RP1: variants seen among roughly 807,000 people sequenced by gnomAD.
The protein encoded by RP1 is RP1 axonemal microtubule associated.
A neutral mutation model predicts 14.8 loss-of-function variants in RP1; 16 were observed. The ratio of observed to expected loss-of-function variants is 1.08; its 90% CI spans 0.73 to 1.65. The LOEUF (loss-of-function observed/expected upper bound fraction) is 1.65. Among genes scored for constraint, RP1 ranks in the 40% most tolerant of loss-of-function variants. The pLI is 0.00. For missense variants in RP1, 2,631 were observed against 2,535.0 expected, an observed-to-expected ratio of 1.04 and a Z score of -0.81; for synonymous variants, 876 against 883.6, an observed-to-expected ratio of 0.99 and a Z score of 0.15.
intron 12 of RP1, among the ~76,000 whole-genome samples, chr8:54,692,340 G>C (rs1807735915): frequency 7.5e-6 from 1 of 133,074 alleles, no homozygotes; most frequent in African/African-American, 3.0e-5. Flanking sequence ...CCAGTAATAG[G>C]ATGGCTGGGT....
chr8:54,705,835 T>G (rs1022962672), intron 14 of RP1, among the ~76,000 whole-genome samples: 1 of 147,614 alleles, frequency 6.8e-6, no homozygotes, highest in African/African-American at 2.5e-5. Context: ...TTTTTTTTTG[T>G]ATTACTAGCA....
At chr8:54,778,076 A>G (rs754104775) in intron 23 of RP1, among the ~76,000 whole-genome samples, 7 of 152,178 alleles carry the variant, frequency 4.6e-5, no homozygotes, top group Non-Finnish European at 7.4e-5. Context: ...CGTTTCATAA[A>G]TCACCCATTC....
chr8:54,839,904 C>T (rs148175133), intron 25 of RP1, among the ~76,000 whole-genome samples: 1 of 152,302 alleles, frequency 6.6e-6, no homozygotes, highest in Non-Finnish European at 1.5e-5. Context: ...AAAACATTCT[C>T]TCATATAAGA....
Position 54,598,029 on chromosome 8 carries a change from G to A in RP1, c.-12-22926G>A, listed in dbSNP as rs145197395. Among the ~76,000 whole-genome samples the A allele has an allele frequency of 1.1e-3, 166 of 152,024 alleles. 1 individual carries two copies. Among genetic ancestry groups the A allele is most frequent in the African/African-American group, 3.6e-3 (151 of 41,476 alleles). On this transcript the variant is annotated intron_variant, in intron 1 of 22. Coordinates refer to the RP1 transcript ENST00000636932. ...TACATTTTTCCCTCCCCGCACTATCGTTAACCCCTGCCAACCACTAATCTA... is the reference window on the plus strand; with the variant it reads ...TACATTTTTCCCTCCCCGCACTATCATTAACCCCTGCCAACCACTAATCTA...
chr8:54,793,236 T>A (rs1810507618), intron 24 of RP1, among the ~76,000 whole-genome samples: 1 of 151,812 alleles, frequency 6.6e-6, no homozygotes, highest in Non-Finnish European at 1.5e-5. Context: ...TCATTCTGAG[T>A]TCTACCAAAC....
intron 19 of RP1, among the ~76,000 whole-genome samples, chr8:54,745,625 TA>T (rs752016170): frequency 2.6e-5 from 4 of 151,852 alleles, no homozygotes; most frequent in Non-Finnish European, 5.9e-5. Flanking sequence ...TTTAAGAAAC[TA>T]AAACAAAATG....
At chr8:54,594,876 T>C (rs1471812969) in intron 1 of RP1, among the ~76,000 whole-genome samples, 1 of 152,126 alleles carries the variant, frequency 6.6e-6, no homozygotes, top group Non-Finnish European at 1.5e-5. Flanking sequence ...AAATATTCTT[T>C]AACAGGAAGG....
intron 24 of RP1, among the ~76,000 whole-genome samples, chr8:54,802,588 T>A (rs1810739682): frequency 6.6e-6 from 1 of 152,226 alleles, no homozygotes; most frequent in African/African-American, 2.4e-5. Flanking sequence ...CAAATTGTTC[T>A]TTCTTTCTGA....
chr8:54,627,882 G>T lies in RP1; in HGVS notation c.4000G>T (p.Val1334Phe). 6.2e-7 allele frequency: 1 copy of T among 1,614,074 alleles called. No individual in the cohort carries two copies. The highest frequency in any genetic ancestry group is 2.2e-5 in the East Asian group (1 of 44,880). The part of the protein sequence containing the change: ...EGACPIDETY[V>F]PVNVCNTIDF... ...AGCTTGCCCAATTGATGAGACCTAC[G>T]TTCCTGTCAATGTCTGCAATACCAT... is the stretch of plus-strand genomic sequence containing the variant. Residue 1334 changes from valine to phenylalanine, a missense_variant, in exon 4 of 4, where the codon GTT (valine) becomes TTT (phenylalanine). Coordinates refer to ENST00000220676, the MANE Select transcript of RP1 (RefSeq NM_006269.2).
intron 24 of RP1, among the ~76,000 whole-genome samples, chr8:54,807,620 A>ACCTG (rs1563382132): frequency 3.3e-5 from 5 of 151,442 alleles, no homozygotes; most frequent in African/African-American, 9.7e-5. Flanking sequence ...ATCTCTATCT[A>ACCTG]CCTGTCTGTC....
At chr8:54,845,834 A>G (rs1401115658) in intron 25 of RP1, among the ~76,000 whole-genome samples, 1 of 152,194 alleles carries the variant, frequency 6.6e-6, no homozygotes, top group Non-Finnish European at 1.5e-5. Context: ...GGTCCTCAGT[A>G]CTTCTTTGCT....
chr8:54,706,618 T>C (rs968695485), exon 15 of RP1: 4 of 1,536,036 alleles, frequency 2.6e-6, no homozygotes, highest in Non-Finnish European at 3.5e-6. Flanking sequence ...AATGCACAAA[T>C]GTATCTAAGA....
intron 15 of RP1, among the ~76,000 whole-genome samples, chr8:54,708,292 G>A (rs1349098548): frequency 6.6e-6 from 1 of 152,036 alleles, no homozygotes; most frequent in Non-Finnish European, 1.5e-5. Flanking sequence ...CAAAGGGATA[G>A]CTCAGTGGTT....
At chr8:54,710,165 T>C (rs1188734111) in intron 15 of RP1, among the ~76,000 whole-genome samples, 2 of 152,184 alleles carry the variant, frequency 1.3e-5, no homozygotes, top group East Asian at 3.9e-4. Context: ...TATGAAAATA[T>C]TGATGCAGGA....
chr8:54,770,050 G>A (rs1585677028), downstream of RP1: 4 of 443,496 alleles, frequency 9.0e-6, no homozygotes, highest in Admixed American at 7.9e-5. Flanking sequence ...TTAAACTCAC[G>A]TTTCTTCTTT....
intron 12 of RP1, among the ~76,000 whole-genome samples, chr8:54,690,376 C>A (rs1007360022): frequency 6.6e-6 from 1 of 152,012 alleles, no homozygotes; most frequent in African/African-American, 2.4e-5. Context: ...TATACACTGG[C>A]CAGTTTTTCT....
At position 54,587,599 on chromosome 8, in the gene RP1, G is replaced by A. The variant is rs927552997; in HGVS notation, c.-13+28279G>A. Among the ~76,000 whole-genome samples, 35 of 152,208 alleles carry A rather than the reference G, an allele frequency of 2.3e-4. 1 individual carries two copies. On this transcript the variant is annotated intron_variant, in intron 1 of 22. Transcript: ENST00000636932. ...GGCAAGCATTGGAACCTACTGGGAA[G>A]TTGAAAATTTAGGCTGAAGAGCTGC...
intron 7 of RP1, among the ~76,000 whole-genome samples, chr8:54,672,301 A>G (rs1397417299): frequency 6.6e-6 from 1 of 152,112 alleles, no homozygotes; most frequent in South Asian, 2.1e-4. Context: ...TTTTGGATGT[A>G]TGGTCCACTC....
At chr8:54,641,909 T>C (rs898406410) in intron 3 of RP1, among the ~76,000 whole-genome samples, 1 of 152,162 alleles carries the variant, frequency 6.6e-6, no homozygotes, top group Non-Finnish European at 1.5e-5. Context: ...GATCTCAAAA[T>C]GATTATGTGT....
Sources: allele counts gnomAD v4.1 joint callset (sites outside exome capture counted in the v4.1 genomes callset), GRCh38; gene constraint gnomAD v4.1.1; transcripts MANE v1.5; gene names NCBI Gene and HGNC (gene_info 2026-07-23, HGNC 2026-07-21).